Variants in MPPE1 observed in about 807,000 individuals in gnomAD.
The protein encoded by MPPE1 is metallophosphoesterase 1.
In MPPE1, 28 loss-of-function variants were observed where a neutral mutation model predicts 43.8. That is an observed-to-expected ratio of 0.64 (90% confidence interval 0.47 to 0.88). MPPE1 has a LOEUF of 0.88. Ranked by LOEUF, MPPE1 falls within the 40% of genes least tolerant of loss-of-function variation. The pLI, the probability that MPPE1 is intolerant of heterozygous loss-of-function variation, is 0.00. For missense variants in MPPE1, 428 were observed against 492.2 expected (o/e 0.87, Z 1.23); for synonymous variants, 159 against 188.5 (o/e 0.84, Z 1.28).
intron 2 of MPPE1, among the ~76,000 whole-genome samples, chr18:11,898,910 CTT>C (rs34960916): frequency 2.8e-5 from 4 of 142,704 alleles, no homozygotes; most frequent in African/African-American, 7.7e-5. Context: ...ATTAATTAAA[CTT>C]TTTTTTTTTT....
intron 2 of MPPE1, among the ~76,000 whole-genome samples, chr18:11,899,974 G>A (rs1326972431): frequency 6.6e-6 from 1 of 152,122 alleles, no homozygotes; most frequent in African/African-American, 2.4e-5. Context: ...CAGTTTGGGA[G>A]GCCGAGGCGG....
chr18:11,884,700 G>C, intron 10 of MPPE1, 73 bp from the exon 11 acceptor site: 1 of 1,494,562 alleles, frequency 6.7e-7, no homozygotes, highest in Non-Finnish European at 9.2e-7. Context: ...AGAAACAGCA[G>C]AGGGAAGACT....
At chr18:11,900,715 G>A (rs1330006286) in intron 2 of MPPE1, among the ~76,000 whole-genome samples, 1 of 151,918 alleles carries the variant, frequency 6.6e-6, no homozygotes, top group Non-Finnish European at 1.5e-5. Context: ...AGACCATCCT[G>A]GCTAACACGG....
intron 10 of MPPE1, chr18:11,884,875 T>C: frequency 7.5e-7 from 1 of 1,341,296 alleles, no homozygotes; most frequent in Non-Finnish European, 9.6e-7. Flanking sequence ...TCTGGGACAC[T>C]GACCTGTCAA....
chr18:11,894,456 CA>C (rs1327235938), intron 3 of MPPE1, among the ~76,000 whole-genome samples: 4 of 110,982 alleles, frequency 3.6e-5, no homozygotes, highest in Non-Finnish European at 5.9e-5. Flanking sequence ...AAAAAAAAAA[CA>C]GCCTGGGATC....
intron 2 of MPPE1, chr18:11,902,253 T>C (rs1197537446): frequency 1.3e-5 from 2 of 151,752 alleles, no homozygotes; most frequent in Middle Eastern, 3.4e-3. Context: ...CAGTGCCTGT[T>C]TGCAGTCACC....
chr18:11,884,795 C>G, intron 10 of MPPE1, 168 bp from the exon 11 acceptor site: 1 of 1,373,360 alleles, frequency 7.3e-7, no homozygotes, highest in Non-Finnish European at 9.6e-7. Flanking sequence ...CCCTGCACAG[C>G]TCACCCCCGA....
At position 11,889,269 on chromosome 18, in the gene MPPE1, C is replaced by A. The variant is rs538257721; in HGVS notation, c.494+118G>T. The A allele has an allele frequency of 5.7e-4, 361 of 636,540 alleles. 3 individuals are homozygous for A. The South Asian group carries it at 6.0e-3, about 11-fold the overall frequency. 39.4% of individuals were successfully genotyped at this position (636,540 alleles called of 1,614,324 possible). On this transcript the variant is annotated intron_variant, in intron 5 of 10. Coordinates refer to ENST00000588072, the MANE Select transcript of MPPE1 (RefSeq NM_023075.6). ...GAGTTTAATATCCCAGAGCTCACAT[C>A]TTTTGAAGAAAACAAATTTCAAGAC...
chr18:11,892,369 A>G (rs1420094259), intron 4 of MPPE1, among the ~76,000 whole-genome samples: 1 of 148,154 alleles, frequency 6.7e-6, no homozygotes, highest in Non-Finnish European at 1.5e-5. Flanking sequence ...AAAAAAAAAA[A>G]AAGAAAAAGA....
Position 11,888,665 on chromosome 18 carries a change from T to C in MPPE1, c.569+4A>G. 1 of 1,575,226 alleles carries C rather than the reference T, an allele frequency of 6.3e-7. No individual in the cohort carries two copies. Among genetic ancestry groups the C allele is most frequent in the Non-Finnish European group, 8.6e-7 (1 of 1,156,596 alleles). ...TCTTGGAAGAATTTACAAATAATACTCACTTAATGCCTTTCCAAGAAAACA... is the reference window on the plus strand; with the variant it reads ...TCTTGGAAGAATTTACAAATAATACCCACTTAATGCCTTTCCAAGAAAACA... On this transcript the variant is annotated splice_donor_region_variant and intron_variant, in intron 6 of 10. Transcript: ENST00000588072.
chr18:11,896,825 T>G (rs1381131609), intron 3 of MPPE1, among the ~76,000 whole-genome samples, 159 bp downstream of exon 3: 1 of 152,178 alleles, frequency 6.6e-6, no homozygotes, highest in African/African-American at 2.4e-5. Flanking sequence ...ATATCCTCAG[T>G]AAATGGTAAA....
chr18:11,900,831 C>T (rs371253610), intron 2 of MPPE1, among the ~76,000 whole-genome samples: 5 of 150,866 alleles, frequency 3.3e-5, no homozygotes, highest in South Asian at 2.1e-4. Context: ...GGCGTGAACC[C>T]AGGAGGCAAA....
intron 2 of MPPE1, among the ~76,000 whole-genome samples, chr18:11,903,799 C>T (rs562329823): frequency 6.6e-6 from 1 of 152,066 alleles, no homozygotes; most frequent in Non-Finnish European, 1.5e-5. Context: ...GAGCGAGACT[C>T]CGTCTCAAAA....
At chr18:11,892,197 G>A (rs1468116169) in intron 4 of MPPE1, among the ~76,000 whole-genome samples, 1 of 151,546 alleles carries the variant, frequency 6.6e-6, no homozygotes, top group Non-Finnish European at 1.5e-5. Flanking sequence ...AAAATTATCA[G>A]GGCATGGTGG....
chr18:11,883,363 C>CTGTT lies in MPPE1; in HGVS notation c.*1078_*1081dup, dbSNP rs1555618569. The CTGTT allele has an allele frequency of 1.3e-5, 2 of 153,314 alleles. No homozygotes were observed. The highest frequency in any genetic ancestry group is 1.9e-4 in the East Asian group (1 of 5,180). The allele number at this position is 153,314 out of a possible 1,614,324, so 9.5% of individuals were successfully genotyped here. A position where few individuals can be genotyped will look rare whatever the true frequency, so the allele number is the denominator to read the frequency against. On this transcript the variant is annotated 3_prime_UTR_variant, in exon 11 of 11. Transcript: ENST00000588072. The stretch of plus-strand genomic sequence containing the variant: ...ACCCCCAGCAAGAAAGGGAAGTATG[C>CTGTT]TGTTGTATGCATCATTACTCAACAA...
intron 6 of MPPE1, 114 bp from the exon 7 acceptor site, chr18:11,887,139 A>C (rs890773268): frequency 3.0e-6 from 2 of 674,960 alleles, no homozygotes; most frequent in Non-Finnish European, 5.0e-6. Context: ...AGCCCAGAGC[A>C]GCTTTCAATC....
intron 5 of MPPE1, among the ~76,000 whole-genome samples, chr18:11,889,000 A>G (rs1269216799): frequency 6.6e-6 from 1 of 152,208 alleles, no homozygotes; most frequent in African/African-American, 2.4e-5. Context: ...GGACCATGGT[A>G]AAGATTAATG....
rs1172360848 is a variant in MPPE1 at position 11,906,239 on chromosome 18, CT to C, written c.-130del. ...CAGGAAAATCACCAAGTCACCTCAT[CT>C]TTTAAAGACAGAGAGATTGGTACGA... On this transcript the variant is annotated 5_prime_UTR_variant, in exon 2 of 11. Coordinates refer to ENST00000588072, the MANE Select transcript of MPPE1 (RefSeq NM_023075.6). The C allele has an allele frequency of 6.6e-6, 1 of 152,112 alleles. No homozygotes were observed. Among genetic ancestry groups the C allele is most frequent in the African/African-American group, 2.4e-5 (1 of 41,416 alleles). 9.4% of individuals were successfully genotyped at this position (152,112 alleles called of 1,614,324 possible).
At chr18:11,900,292 G>A (rs1017790018) in intron 2 of MPPE1, among the ~76,000 whole-genome samples, 22 of 152,132 alleles carry the variant, frequency 1.4e-4, no homozygotes, top group Non-Finnish European at 2.8e-4. Flanking sequence ...GGTTGCAGTG[G>A]GCCAAGATCA....
Sources: gnomAD v4.1 joint callset for allele counts (sites outside exome capture counted in the v4.1 genomes callset) on GRCh38, gnomAD v4.1.1 for gene constraint, MANE v1.5 for transcripts, NCBI Gene and HGNC (gene_info 2026-07-23, HGNC 2026-07-21) for gene names.